Variants in KAT6B observed in about 807,000 individuals in gnomAD.
The protein encoded by KAT6B is histone acetyltransferase KAT6B.
In KAT6B, 10 loss-of-function variants were observed where a neutral mutation model predicts 187.5. The observed-to-expected ratio is 0.05, with a 90% CI of 0.03 to 0.09. The LOEUF (loss-of-function observed/expected upper bound fraction) is 0.09. KAT6B is among the 10% of genes least tolerant of loss of function. KAT6B has a pLI of 1.00. For missense variants in KAT6B, 1,952 were observed against 2,558.9 expected (o/e 0.76, Z 5.12); for synonymous variants, 861 against 926.8 (o/e 0.93, Z 1.29).
chr10:75,021,828 C>G, intron 15 of KAT6B, 53 bp from the exon 16 acceptor site: 1 of 1,598,658 alleles, frequency 6.3e-7, no homozygotes, highest in Non-Finnish European at 8.6e-7. Context: ...CTCAGAGGCT[C>G]TGGCTGTGTA....
At chr10:74,914,198 GAA>G (rs1157506116) in intron 3 of KAT6B, among the ~76,000 whole-genome samples, 1 of 130,800 alleles carries the variant, frequency 7.6e-6, no homozygotes, top group Admixed American at 7.6e-5. Flanking sequence ...ACAAAAAAAA[GAA>G]AAAAAAAAAA....
At chr10:74,887,294 G>A (rs557919499) in intron 3 of KAT6B, among the ~76,000 whole-genome samples, 1 of 152,244 alleles carries the variant, frequency 6.6e-6, no homozygotes, top group African/African-American at 2.4e-5. Context: ...CATGGATAGT[G>A]GGATGCTTGC....
intron 3 of KAT6B, among the ~76,000 whole-genome samples, chr10:74,922,056 C>T (rs1848178409): frequency 6.6e-6 from 1 of 152,202 alleles, no homozygotes; most frequent in South Asian, 2.1e-4. Flanking sequence ...ACTGATAGGT[C>T]AGTAACCTTT....
chr10:74,878,928 A>G (rs1268224133), intron 3 of KAT6B, among the ~76,000 whole-genome samples: 2 of 152,188 alleles, frequency 1.3e-5, no homozygotes, highest in Non-Finnish European at 2.9e-5. Flanking sequence ...TCTAGGCACC[A>G]TCTCTCTATT....
intron 13 of KAT6B, among the ~76,000 whole-genome samples, chr10:75,020,278 A>G (rs1047393188): frequency 3.3e-5 from 5 of 152,168 alleles, no homozygotes; most frequent in African/African-American, 1.2e-4. Flanking sequence ...AGATGTTGAG[A>G]CTTAGCAGGA....
rs755710938 is a variant in KAT6B at position 75,030,964 on chromosome 10, T to G, written c.6140T>G (p.Met2047Arg). 1.9e-6 allele frequency: 3 copies of G among 1,614,104 alleles called. No individual in the cohort carries two copies. Among genetic ancestry groups the G allele is most frequent in the South Asian group, 2.2e-5 (2 of 91,060 alleles). The change falls in exon 18 of 18, where the codon ATG (methionine) becomes AGG (arginine). Residue 2047 changes from methionine (M) to arginine (R), a missense_variant. By Grantham distance (91) the Met-to-Arg change is moderately conservative. Transcript: ENST00000287239. This position sits in a 1 kb window ranked among gnomAD's most constrained non-coding sequence, Gnocchi z 4.8. ...PMQTPPHGNM[M>R]YTAPGHHGYM... Reference sequence around the variant, plus strand: ...CAGACCCCACCCCACGGTAACATGATGTACACGGCCCCCGGACATCACGGC... The same window carrying G: ...CAGACCCCACCCCACGGTAACATGAGGTACACGGCCCCCGGACATCACGGC...
chr10:74,948,419 A>C (rs1404079501), intron 3 of KAT6B, among the ~76,000 whole-genome samples: 1 of 152,220 alleles, frequency 6.6e-6, no homozygotes, highest in East Asian at 1.9e-4. Context: ...TATTATTGAG[A>C]AAGTGACTAG....
At chr10:74,856,166 A>G (rs962989395) in intron 3 of KAT6B, among the ~76,000 whole-genome samples, 6 of 151,888 alleles carry the variant, frequency 4.0e-5, no homozygotes, top group African/African-American at 1.5e-4. Context: ...GCTCACTGCA[A>G]CCTCCACCTC....
chr10:74,989,191 A>G, intron 13 of KAT6B, 79 bp downstream of exon 13: 4 of 975,448 alleles, frequency 4.1e-6, no homozygotes, highest in Non-Finnish European at 6.7e-6. Flanking sequence ...ATAAAACTTT[A>G]TTTAACCTGC....
chr10:74,839,898 G>C (rs1228640571), intron 2 of KAT6B, among the ~76,000 whole-genome samples: 1 of 152,002 alleles, frequency 6.6e-6, no homozygotes, highest in Non-Finnish European at 1.5e-5. Flanking sequence ...TTTTGTCAAG[G>C]GTTTATATAA....
intron 3 of KAT6B, among the ~76,000 whole-genome samples, chr10:74,914,233 C>T (rs1847478928): frequency 6.6e-6 from 1 of 151,944 alleles, no homozygotes; most frequent in Non-Finnish European, 1.5e-5. Context: ...TTAGTAAGTC[C>T]ATAGCATTTT....
chr10:75,010,824 AAAG>A (rs1589803870), intron 13 of KAT6B, among the ~76,000 whole-genome samples: 1 of 152,356 alleles, frequency 6.6e-6, no homozygotes, highest in East Asian at 1.9e-4. Context: ...AAAGTAGGCA[AAAG>A]AAGTCTCAGT....
At chr10:74,975,316 T>G (rs1353975630) in intron 7 of KAT6B, 83 bp from the exon 8 acceptor site, 5 of 1,093,220 alleles carry the variant, frequency 4.6e-6, no homozygotes, top group Non-Finnish European at 6.8e-6. Context: ...ATTGAATGCA[T>G]CTAGTTGCAA....
At chr10:74,940,332 G>A (rs981323985) in intron 3 of KAT6B, among the ~76,000 whole-genome samples, 5 of 149,002 alleles carry the variant, frequency 3.4e-5, no homozygotes, top group African/African-American at 1.0e-4. Context: ...CTGGAGTACA[G>A]TGGTGCCATC....
intron 1 of KAT6B, among the ~76,000 whole-genome samples, chr10:74,832,747 G>A (rs1840953730): frequency 6.6e-6 from 1 of 151,964 alleles, no homozygotes; most frequent in South Asian, 2.1e-4. Flanking sequence ...TGATCCACCT[G>A]CCTTGGCCTG....
At chr10:74,966,900 C>T (rs769931426) in intron 4 of KAT6B, among the ~76,000 whole-genome samples, 6 of 152,076 alleles carry the variant, frequency 3.9e-5, no homozygotes, top group African/African-American at 9.7e-5. Context: ...CTTGGTGATG[C>T]GTGCCTGTAG....
chr10:74,993,119 A>T (rs975075423), intron 13 of KAT6B, among the ~76,000 whole-genome samples: 2 of 152,086 alleles, frequency 1.3e-5, no homozygotes, highest in Non-Finnish European at 2.9e-5. Context: ...TGCAGTTCCT[A>T]CTTCAGAGCC....
chr10:75,028,481 T>C lies in KAT6B; in HGVS notation c.3665-8T>C. 2 of 1,614,164 alleles carry C rather than the reference T, an allele frequency of 1.2e-6. No individual in the cohort carries two copies. Among genetic ancestry groups the C allele is most frequent in the Non-Finnish European group, 8.5e-7 (1 of 1,180,030 alleles). The stretch of plus-strand genomic sequence containing the variant: ...TTTTTTCCTTCCCGTTTTTGTCTCT[T>C]CACTAAGACAATATGAATGATGATT... On this transcript the variant is annotated splice_region_variant and splice_polypyrimidine_tract_variant and intron_variant, in intron 17 of 17. Coordinates refer to ENST00000287239, the MANE Select transcript of KAT6B (RefSeq NM_012330.4).
intron 3 of KAT6B, among the ~76,000 whole-genome samples, chr10:74,940,771 A>G (rs992059141): frequency 2.0e-5 from 3 of 152,020 alleles, no homozygotes; most frequent in African/African-American, 7.2e-5. Context: ...AAACATGTTT[A>G]TGTACCTAAG....
Sources: allele counts gnomAD v4.1 joint callset (sites outside exome capture counted in the v4.1 genomes callset), GRCh38; gene constraint gnomAD v4.1.1; non-coding constraint Gnocchi (gnomAD v3.1); transcripts MANE v1.5; gene names NCBI Gene and HGNC (gene_info 2026-07-23, HGNC 2026-07-21).